Variants in MED26 observed in about 807,000 individuals in gnomAD.
MED26 encodes mediator of RNA polymerase II transcription subunit 26.
MED26 carries 7 observed loss-of-function variants against 43.7 expected under a neutral mutation model. The observed-to-expected ratio is 0.16, with a 90% CI of 0.09 to 0.30. MED26 has a LOEUF of 0.30. Among genes scored for constraint, MED26 ranks in the 10% least tolerant of loss-of-function variants. The probability of loss-of-function intolerance (pLI) is 1.00; values close to 1 mark genes in which losing one functional copy is unlikely to be tolerated. For missense variants in MED26, 784 were observed against 840.6 expected, an observed-to-expected ratio of 0.93 and a Z score of 0.83; for synonymous variants, 375 against 371.1, an observed-to-expected ratio of 1.01 and a Z score of -0.12.
intron 1 of MED26, 50 bp downstream of exon 1, chr19:16,627,822 G>A (rs761079734): frequency 7.4e-7 from 1 of 1,358,126 alleles, no homozygotes. Context: ...AGAGGGGGAG[G>A]GTCCCGGGCC....
intron 1 of MED26, among the ~76,000 whole-genome samples, chr19:16,595,653 C>G (rs1212478217): frequency 6.6e-6 from 1 of 152,194 alleles, no homozygotes; most frequent in Non-Finnish European, 1.5e-5. Flanking sequence ...TTCACTCCCC[C>G]AACAGCAATG....
rs77204139 is a variant in MED26, at chr19:16,605,047, G to T, written c.72+22825C>A. ...ACTGGGGATTGGTGGTAGCCCCTCAGTGGGGGGAGGGAGAACTTTTTAAGT... is the reference window on the plus strand; with the variant it reads ...ACTGGGGATTGGTGGTAGCCCCTCATTGGGGGGAGGGAGAACTTTTTAAGT... On this transcript the variant is annotated intron_variant, in intron 1 of 2. Coordinates refer to ENST00000263390, the MANE Select transcript of MED26 (RefSeq NM_004831.5). 6.6e-5 allele frequency among the ~76,000 whole-genome samples: 10 copies of T among 152,346 alleles called. No individual in the cohort carries two copies. In the East Asian group the frequency reaches 1.7e-3, roughly 26 times the overall value.
chr19:16,586,678 T>A lies in MED26; in HGVS notation c.73-8269A>T, dbSNP rs574714484. 4.2e-4 allele frequency among the ~76,000 whole-genome samples: 64 copies of A among 152,316 alleles called. No individual in the cohort carries two copies. Among genetic ancestry groups the A allele is most frequent in the African/African-American group, 1.4e-3 (59 of 41,574 alleles). ...CCCACCGGGCTGGCCCTGGGAACAG[T>A]GCACATGGAGCACAGACTGCAGTTC... On this transcript the variant is annotated intron_variant, in intron 1 of 2. Coordinates refer to ENST00000263390, the MANE Select transcript of MED26 (RefSeq NM_004831.5). This position sits in a 1 kb window ranked among gnomAD's most constrained non-coding sequence, Gnocchi z 5.1.
At chr19:16,612,524 G>A (rs1382250396) in intron 1 of MED26, among the ~76,000 whole-genome samples, 3 of 152,136 alleles carry the variant, frequency 2.0e-5, no homozygotes, top group South Asian at 2.1e-4. Context: ...TGCCTCAAGC[G>A]ATCCTCCCAC....
intron 1 of MED26, among the ~76,000 whole-genome samples, chr19:16,595,828 C>T (rs2086117701): frequency 6.6e-6 from 1 of 152,222 alleles, no homozygotes; most frequent in Non-Finnish European, 1.5e-5. Context: ...ATTCCCTTAA[C>T]CTTCTCCGAT....
chr19:16,579,173 G>A (rs1193385461), intron 1 of MED26, among the ~76,000 whole-genome samples: 2 of 152,200 alleles, frequency 1.3e-5, no homozygotes, highest in African/African-American at 2.4e-5. Context: ...AGAGCAGAAA[G>A]TCACAAAGTG....
At chr19:16,622,489 C>T (rs146732363) in intron 1 of MED26, among the ~76,000 whole-genome samples, 169 of 152,334 alleles carry the variant, frequency 1.1e-3, no homozygotes, top group Non-Finnish European at 2.0e-3. Context: ...GTAGAATTAT[C>T]GGTATGTCTT....
chr19:16,609,339 AG>A (rs2086189208), intron 1 of MED26, among the ~76,000 whole-genome samples: 1 of 142,604 alleles, frequency 7.0e-6, no homozygotes, highest in African/African-American at 2.6e-5. Flanking sequence ...AAAAAAAAAG[AG>A]AGAGAATAAG....
chr19:16,609,391 A>G (rs2086189417), intron 1 of MED26, among the ~76,000 whole-genome samples: 1 of 151,930 alleles, frequency 6.6e-6, no homozygotes, highest in African/African-American at 2.4e-5. Context: ...AGAAGCTGAT[A>G]CAAAAGCTCA....
In MED26 at chr19:16,625,289, G is replaced by A. The variant is rs185212640; in HGVS notation, c.72+2583C>T. 3.9e-5 allele frequency among the ~76,000 whole-genome samples: 6 copies of A among 152,336 alleles called. No individual in the cohort carries two copies. The East Asian group carries it at 1.2e-3, about 29-fold the overall frequency. On this transcript the variant is annotated intron_variant, in intron 1 of 2. Coordinates refer to ENST00000263390, the MANE Select transcript of MED26 (RefSeq NM_004831.5). ...TGCATACTCCAGGGGCTAAAAGTGA[G>A]AGCACAGAAACTACTTTCCTCCTAA...
At chr19:16,591,876 C>T (rs1002419856) in intron 1 of MED26, among the ~76,000 whole-genome samples, 1 of 152,222 alleles carries the variant, frequency 6.6e-6, no homozygotes, top group Non-Finnish European at 1.5e-5. Flanking sequence ...GAAATCCTGA[C>T]TTTCCCCGCT....
chr19:16,586,916 T>G lies in MED26; in HGVS notation c.73-8507A>C, dbSNP rs1200157894. The G allele has an allele frequency of 6.6e-6, 1 of 151,838 alleles. No individual in the cohort carries two copies. Among genetic ancestry groups the G allele is most frequent in the East Asian group, 1.9e-4 (1 of 5,194 alleles). 9.4% of individuals were successfully genotyped at this position (151,838 alleles called of 1,614,324 possible). On this transcript the variant is annotated intron_variant, in intron 1 of 2. Coordinates refer to ENST00000263390, the MANE Select transcript of MED26 (RefSeq NM_004831.5). This position sits in a 1 kb window ranked among gnomAD's most constrained non-coding sequence, Gnocchi z 5.1. ...CAACAATGGGGATGTTGTCGGGTTT[T>G]TTTTTTTTTTTTAATGCAGAATGGT...
At chr19:16,622,651 C>G (rs2122460484) in intron 1 of MED26, among the ~76,000 whole-genome samples, 1 of 152,352 alleles carries the variant, frequency 6.6e-6, no homozygotes, top group South Asian at 2.1e-4. Context: ...CTCCTTTACT[C>G]ACTGTGCCAC....
chr19:16,619,236 G>A (rs984723136), intron 1 of MED26, among the ~76,000 whole-genome samples: 1 of 152,208 alleles, frequency 6.6e-6, no homozygotes, highest in Non-Finnish European at 1.5e-5. Context: ...GTCTCCCACT[G>A]ACAGCACTGA....
intron 1 of MED26, among the ~76,000 whole-genome samples, chr19:16,609,297 G>A (rs1389933878): frequency 2.3e-5 from 3 of 129,262 alleles, no homozygotes; most frequent in Admixed American, 8.6e-5. Context: ...GGGTGACAGA[G>A]CGAGACTCCG....
intron 1 of MED26, among the ~76,000 whole-genome samples, chr19:16,599,402 C>A (rs2086138037): frequency 6.6e-6 from 1 of 152,168 alleles, no homozygotes; most frequent in Non-Finnish European, 1.5e-5. Context: ...CCATCCTAAA[C>A]AAATGTCACG....
At chr19:16,589,112 C>G (rs149015563) in intron 1 of MED26, 2 of 152,354 alleles carry the variant, frequency 1.3e-5, no homozygotes, top group Non-Finnish European at 2.9e-5. Flanking sequence ...TCCAGGGCCA[C>G]CCCTTCCCCC....
rs548496735 is a variant in MED26, at chr19:16,586,603, G to C, written c.73-8194C>G. On this transcript the variant is annotated intron_variant, in intron 1 of 2. Transcript: ENST00000263390. This position sits in a 1 kb window ranked among gnomAD's most constrained non-coding sequence, Gnocchi z 5.1. ...GAGAGGCAGGACCAGGGTGACCCAG[G>C]CATGCACGGGCCACCACAGCAGGGC... 8.0e-4 allele frequency among the ~76,000 whole-genome samples: 122 copies of C among 152,246 alleles called. No homozygotes were observed. The highest frequency in any genetic ancestry group is 1.4e-3 in the Non-Finnish European group (97 of 68,034).
intron 1 of MED26, among the ~76,000 whole-genome samples, chr19:16,616,930 TA>T (rs2086228875): frequency 6.6e-6 from 1 of 152,106 alleles, no homozygotes; most frequent in Admixed American, 6.5e-5. Context: ...AACAGCGCCC[TA>T]AAGAGAAGAC....
Sources: allele counts gnomAD v4.1 joint callset (sites outside exome capture counted in the v4.1 genomes callset), GRCh38; gene constraint gnomAD v4.1.1; non-coding constraint Gnocchi (gnomAD v3.1); transcripts MANE v1.5; gene names NCBI Gene and HGNC (gene_info 2026-07-23, HGNC 2026-07-21).